FNIP1: variants seen among roughly 807,000 people sequenced by gnomAD.
FNIP1 encodes the protein folliculin-interacting protein 1.
A neutral mutation model predicts 124.5 loss-of-function variants in FNIP1; 40 were observed. That is an observed-to-expected ratio of 0.32 (90% CI 0.25 to 0.42). The LOEUF is 0.42. Among genes scored for constraint, FNIP1 ranks in the 10% least tolerant of loss-of-function variants. The probability of loss-of-function intolerance (pLI) is 1.00; values close to 1 mark genes in which losing one functional copy is unlikely to be tolerated. For missense variants in FNIP1, 1,176 were observed against 1,403.7 expected (o/e 0.84, Z 2.59); for synonymous variants, 472 against 470.6 (o/e 1.00, Z -0.04).
At chr5:131,743,218 TAATAA>T (rs1770567886) in intron 2 of FNIP1, among the ~76,000 whole-genome samples, 2 of 151,914 alleles carry the variant, frequency 1.3e-5, no homozygotes, top group African/African-American at 2.4e-5. Context: ...GATAAAGGCA[TAATAA>T]AATAAATGAG....
chr5:131,787,636 C>G (rs891722857), intron 1 of FNIP1, among the ~76,000 whole-genome samples: 1 of 152,134 alleles, frequency 6.6e-6, no homozygotes, highest in South Asian at 2.1e-4. Flanking sequence ...GTGCCTGTTT[C>G]CTCATCAATG....
At position 131,716,650 on chromosome 5, in the gene FNIP1, T is replaced by C; in HGVS notation, c.537A>G (p.Gln179=). The C allele has an allele frequency of 6.3e-7, 1 of 1,584,570 alleles. No individual in the cohort carries two copies. The change falls in exon 6 of 18, where the codon CAA becomes CAG. Residue 179 remains glutamine (Q), a synonymous_variant. Transcript: ENST00000510461. ...SSICGSLNTL[Q]DSLEFINQDN... ...CCTGATTGATGAATTCAAGACTATC[T>C]TGTAGCCTATGGAGGGTGAGAAGAA...
chr5:131,669,615 A>AT (rs1202093637), intron 15 of FNIP1, among the ~76,000 whole-genome samples: 1 of 152,188 alleles, frequency 6.6e-6, no homozygotes, highest in African/African-American at 2.4e-5. Flanking sequence ...GAGAAAAAGC[A>AT]TATGACAAAA....
chr5:131,709,508 G>T (rs753193388), intron 7 of FNIP1, among the ~76,000 whole-genome samples: 4 of 152,006 alleles, frequency 2.6e-5, no homozygotes, highest in Non-Finnish European at 4.4e-5. Flanking sequence ...AAAGAAGCAA[G>T]GAGTGACTAA....
chr5:131,659,880 C>T (rs975373666), intron 15 of FNIP1, among the ~76,000 whole-genome samples: 2 of 152,172 alleles, frequency 1.3e-5, no homozygotes, highest in African/African-American at 4.8e-5. Flanking sequence ...CCATGTCATC[C>T]CAGTTGGTGA....
chr5:131,677,294 A>G (rs1263179562), intron 13 of FNIP1, among the ~76,000 whole-genome samples: 9 of 152,218 alleles, frequency 5.9e-5, no homozygotes, highest in Non-Finnish European at 1.3e-4. Context: ...ATTTTCCAAA[A>G]TGACTCAGCA....
chr5:131,795,104 C>T (rs1772538813), intron 1 of FNIP1, among the ~76,000 whole-genome samples: 1 of 152,064 alleles, frequency 6.6e-6, no homozygotes, highest in Non-Finnish European at 1.5e-5. Flanking sequence ...TTCAGATATG[C>T]CTATTCTGTT....
intron 1 of FNIP1, among the ~76,000 whole-genome samples, chr5:131,765,525 AG>A (rs1485418264): frequency 6.6e-6 from 1 of 152,242 alleles, no homozygotes; most frequent in Non-Finnish European, 1.5e-5. Context: ...CAGCAATAAA[AG>A]GCAAATGTAA....
chr5:131,743,754 G>A (rs1432582070), intron 2 of FNIP1, among the ~76,000 whole-genome samples: 2 of 152,138 alleles, frequency 1.3e-5, no homozygotes, highest in Non-Finnish European at 2.9e-5. Context: ...GGTAGAGTGA[G>A]AAGTCAGCAG....
chr5:131,700,539 G>GAA (rs1389134919), intron 10 of FNIP1, among the ~76,000 whole-genome samples: 1 of 152,150 alleles, frequency 6.6e-6, no homozygotes, highest in African/African-American at 2.4e-5. Context: ...GGGTGAAAGT[G>GAA]AAACACGCTT....
chr5:131,672,920 G>A lies in FNIP1; in HGVS notation c.1524C>T (p.Asp508=). 2 of 1,533,468 alleles carry A rather than the reference G, an allele frequency of 1.3e-6. No individual in the cohort carries two copies. The highest frequency in any genetic ancestry group is 2.6e-5 in the South Asian group (2 of 76,672). The allele number at this position is 1,533,468 out of a possible 1,614,324, so 95.0% of individuals were successfully genotyped here. A position where few individuals can be genotyped will look rare whatever the true frequency, so the allele number is the denominator to read the frequency against. The change falls in exon 14 of 18, where the codon GAC becomes GAT. Residue 508 remains aspartate (D), a synonymous_variant. Coordinates refer to ENST00000510461, the MANE Select transcript of FNIP1 (RefSeq NM_133372.3). ...PYNPLWAQLG[D]LYGAIGSPVR... ...CGGGAGAGCCAATAGCGCCATACAA[G>A]TCTCCTGTAATGGAAAAAATCAGTT...
rs191404863 is a variant in FNIP1 at position 131,695,665 on chromosome 5, T to G, written c.1202+3252A>C. 7.4e-4 allele frequency among the ~76,000 whole-genome samples: 112 copies of G among 152,274 alleles called. 2 individuals are homozygous for G. Among genetic ancestry groups the G allele is most frequent in the Non-Finnish European group, 4.4e-5 (3 of 68,012 alleles). ...TTCCGAGGCCTGGCAGGAATAAAAT[T>G]ATACAATATATGGGTTAATACAACT... On this transcript the variant is annotated intron_variant, in intron 11 of 17. Transcript: ENST00000510461.
At chr5:131,775,892 A>C (rs2149580591) in intron 1 of FNIP1, among the ~76,000 whole-genome samples, 1 of 152,310 alleles carries the variant, frequency 6.6e-6, no homozygotes, top group South Asian at 2.1e-4. Flanking sequence ...TCTGCCTGAC[A>C]CATAAGCTAC....
intron 2 of FNIP1, among the ~76,000 whole-genome samples, chr5:131,735,204 C>T (rs937107789): frequency 6.6e-6 from 1 of 151,408 alleles, no homozygotes; most frequent in Non-Finnish European, 1.5e-5. Context: ...CAAACTATCG[C>T]AAGGACAAAA....
intron 14 of FNIP1, among the ~76,000 whole-genome samples, chr5:131,671,193 C>T (rs1767738602): frequency 6.6e-6 from 1 of 152,172 alleles, no homozygotes; most frequent in African/African-American, 2.4e-5. Context: ...TTAGTGCTCC[C>T]TAACTGCCAG....
intron 2 of FNIP1, among the ~76,000 whole-genome samples, chr5:131,731,918 G>A (rs1420654169): frequency 6.6e-6 from 1 of 152,210 alleles, no homozygotes; most frequent in South Asian, 2.1e-4. Context: ...GAGACTTTCA[G>A]ATTTAACTAT....
intron 2 of FNIP1, among the ~76,000 whole-genome samples, chr5:131,731,446 G>A (rs984146458): frequency 3.3e-5 from 5 of 152,112 alleles, no homozygotes; most frequent in Non-Finnish European, 7.4e-5. Flanking sequence ...TTGACACCAG[G>A]AGTTCAAGAC....
At chr5:131,763,951 G>A (rs1050999583) in intron 1 of FNIP1, among the ~76,000 whole-genome samples, 6 of 152,114 alleles carry the variant, frequency 3.9e-5, no homozygotes, top group African/African-American at 1.4e-4. Context: ...ATTGGAGATG[G>A]AGCCTGGAGG....
chr5:131,744,010 ATCG>A (rs1187039984), intron 2 of FNIP1, among the ~76,000 whole-genome samples: 1 of 152,218 alleles, frequency 6.6e-6, no homozygotes, highest in African/African-American at 2.4e-5. Context: ...CTAATGAAGC[ATCG>A]TCCCAGAAAA....
Sources: gnomAD v4.1 joint callset for allele counts (sites outside exome capture counted in the v4.1 genomes callset) on GRCh38, gnomAD v4.1.1 for gene constraint, MANE v1.5 for transcripts, NCBI Gene and HGNC (gene_info 2026-07-23, HGNC 2026-07-21) for gene names.